KCTD8: variants seen among roughly 807,000 people sequenced by gnomAD.
The protein encoded by KCTD8 is potassium channel tetramerization domain containing 8, also known as BTB/POZ domain-containing protein KCTD8.
In KCTD8, 27 loss-of-function variants were observed where a neutral mutation model predicts 31.5. That is an observed-to-expected ratio of 0.86 (90% CI 0.63 to 1.18). The LOEUF is 1.18. Among genes scored for constraint, KCTD8 ranks in the 50% most tolerant of loss-of-function variants. KCTD8 has a pLI of 0.00. For synonymous variants in KCTD8, 290 were observed against 280.0 expected (o/e 1.04, Z -0.36); for missense variants, 658 against 647.7 (o/e 1.02, Z -0.17).
At chr4:44,263,762 T>A (rs187213715) in intron 1 of KCTD8, among the ~76,000 whole-genome samples, 1 of 152,126 alleles carries the variant, frequency 6.6e-6, no homozygotes, top group East Asian at 1.9e-4. Context: ...GCCACTGAGA[T>A]AGGAAGTAGA....
chr4:44,352,881 TC>T (rs1407743072), intron 1 of KCTD8, among the ~76,000 whole-genome samples: 2 of 152,136 alleles, frequency 1.3e-5, no homozygotes, highest in East Asian at 3.9e-4. Flanking sequence ...TCTCATTCTC[TC>T]CCACTATAAT....
intron 1 of KCTD8, among the ~76,000 whole-genome samples, chr4:44,387,890 G>A (rs1401289117): frequency 6.6e-6 from 1 of 151,330 alleles, no homozygotes; most frequent in African/African-American, 2.4e-5. Context: ...CTTAAGAGCT[G>A]CATGGCAAAA....
At chr4:44,220,663 C>T (rs1714781396) in intron 1 of KCTD8, among the ~76,000 whole-genome samples, 2 of 152,012 alleles carry the variant, frequency 1.3e-5, no homozygotes, top group South Asian at 4.1e-4. Context: ...GAGACAAATA[C>T]ATTAAGACAT....
chr4:44,378,473 T>C (rs749333736), intron 1 of KCTD8, among the ~76,000 whole-genome samples: 6 of 151,774 alleles, frequency 4.0e-5, no homozygotes, highest in Non-Finnish European at 4.4e-5. Flanking sequence ...AATAAATAAA[T>C]AAATAAAATA....
intron 1 of KCTD8, among the ~76,000 whole-genome samples, chr4:44,411,256 T>C (rs1034848903): frequency 1.3e-5 from 2 of 151,942 alleles, no homozygotes; most frequent in African/African-American, 4.8e-5. Context: ...TGTGCTCCTA[T>C]AGTTCCAGCT....
At chr4:44,312,761 C>T (rs1717991967) in intron 1 of KCTD8, among the ~76,000 whole-genome samples, 1 of 152,064 alleles carries the variant, frequency 6.6e-6, no homozygotes, top group Admixed American at 6.6e-5. Context: ...TTTATACAGG[C>T]TTTAATCTTC....
At chr4:44,218,832 A>C (rs1714726741) in intron 1 of KCTD8, among the ~76,000 whole-genome samples, 1 of 152,084 alleles carries the variant, frequency 6.6e-6, no homozygotes, top group African/African-American at 2.4e-5. Context: ...GATTATAATA[A>C]ATTATAAAAT....
chr4:44,249,221 T>C (rs1012196214), intron 1 of KCTD8, among the ~76,000 whole-genome samples: 3 of 151,734 alleles, frequency 2.0e-5, no homozygotes, highest in Admixed American at 1.3e-4. Context: ...CAAAGAAATA[T>C]AGGTTAATGA....
intron 1 of KCTD8, among the ~76,000 whole-genome samples, chr4:44,273,243 T>C (rs1004050943): frequency 6.6e-6 from 1 of 151,982 alleles, no homozygotes; most frequent in African/African-American, 2.4e-5. Context: ...TATGTGACCA[T>C]AATACAGGTA....
intron 1 of KCTD8, among the ~76,000 whole-genome samples, chr4:44,356,461 G>C (rs561706556): frequency 2.0e-5 from 3 of 152,294 alleles, no homozygotes; most frequent in African/African-American, 7.2e-5. Flanking sequence ...TCTACCTTCT[G>C]TAAAGAATCT....
chr4:44,195,872 A>G (rs1713926267), intron 1 of KCTD8, among the ~76,000 whole-genome samples: 2 of 152,248 alleles, frequency 1.3e-5, no homozygotes, highest in South Asian at 2.1e-4. Context: ...ATTGGAAAAT[A>G]TGTAAAGCTT....
chr4:44,368,501 G>A (rs978820359), intron 1 of KCTD8, among the ~76,000 whole-genome samples: 2 of 152,186 alleles, frequency 1.3e-5, no homozygotes, highest in African/African-American at 2.4e-5. Flanking sequence ...TTTTGGGTGA[G>A]ATTAGGTGGA....
chr4:44,403,652 A>G (rs947373176), intron 1 of KCTD8, among the ~76,000 whole-genome samples: 3 of 151,694 alleles, frequency 2.0e-5, no homozygotes, highest in Admixed American at 2.0e-4. Context: ...TCTTATAATG[A>G]CCTAGTCAGA....
At chr4:44,341,688 C>A (rs1405231678) in intron 1 of KCTD8, among the ~76,000 whole-genome samples, 1 of 152,144 alleles carries the variant, frequency 6.6e-6, no homozygotes, top group Non-Finnish European at 1.5e-5. Flanking sequence ...AAATCTAGTT[C>A]TCTTGCTATT....
chr4:44,405,264 T>TGTTTG (rs1720763842), intron 1 of KCTD8, among the ~76,000 whole-genome samples: 1 of 142,854 alleles, frequency 7.0e-6, no homozygotes, highest in Non-Finnish European at 1.6e-5. Flanking sequence ...TTTGTTTGTT[T>TGTTTG]GTTTGTTTTT....
intron 1 of KCTD8, among the ~76,000 whole-genome samples, chr4:44,419,584 A>C (rs937938405): frequency 3.3e-5 from 5 of 152,104 alleles, no homozygotes; most frequent in Non-Finnish European, 7.4e-5. Context: ...CATCATTCTC[A>C]GCAAACTATC....
At chr4:44,254,385 A>G in intron 1 of KCTD8, among the ~76,000 whole-genome samples, 1 of 151,932 alleles carries the variant, frequency 6.6e-6, no homozygotes, top group East Asian at 1.9e-4. Context: ...CACAATGCCA[A>G]TGACACCTTG....
intron 1 of KCTD8, among the ~76,000 whole-genome samples, chr4:44,334,141 T>A (rs1262505119): frequency 6.6e-6 from 1 of 152,108 alleles, no homozygotes; most frequent in Non-Finnish European, 1.5e-5. Flanking sequence ...AGAGATACCA[T>A]AAATTTTTTA....
chr4:44,194,002 GA>G (rs1713853148), intron 1 of KCTD8, among the ~76,000 whole-genome samples: 1 of 152,124 alleles, frequency 6.6e-6, no homozygotes, highest in Non-Finnish European at 1.5e-5. Context: ...AACAGAGAAA[GA>G]ATAGAGAGGA....
Sources: allele counts gnomAD v4.1 joint callset (sites outside exome capture counted in the v4.1 genomes callset), GRCh38; gene constraint gnomAD v4.1.1; transcripts MANE v1.5; gene names NCBI Gene and HGNC (gene_info 2026-07-23, HGNC 2026-07-21).